Variants in PCDHA3 observed in about 807,000 individuals in gnomAD.
The protein encoded by PCDHA3 is protocadherin alpha-3.
In PCDHA3, 41 loss-of-function variants were observed where a neutral mutation model predicts 62.2. That is an observed-to-expected ratio of 0.66 (90% CI 0.51 to 0.86). The LOEUF is 0.86. Ranked by LOEUF, PCDHA3 falls within the 40% of genes least tolerant of loss-of-function variation. The pLI, the probability that PCDHA3 is intolerant of heterozygous loss-of-function variation, is 0.00. For missense variants in PCDHA3, 1,304 were observed against 1,241.2 expected (o/e 1.05, Z -0.76); for synonymous variants, 640 against 555.4 (o/e 1.15, Z -2.14).
Position 140,801,302 on chromosome 5 carries a change from C to G in PCDHA3, c.105C>G (p.Val35=), listed in dbSNP as rs905551581. The G allele has an allele frequency of 6.2e-7, 1 of 1,613,482 alleles. No homozygotes were observed. The highest frequency in any genetic ancestry group is 2.2e-5 in the East Asian group (1 of 44,892). ...GGAGCGGCCAGCTCCACTACTCCGTCTCTGAGGAGGCCAAGCATGGCACCT... is the reference window on the plus strand; with the variant it reads ...GGAGCGGCCAGCTCCACTACTCCGTGTCTGAGGAGGCCAAGCATGGCACCT... ...EVGSGQLHYS[V]SEEAKHGTFV... is the part of the protein sequence containing the mutation. Residue 35 remains valine (V), a synonymous_variant, in exon 1 of 4, where the codon GTC becomes GTG. Transcript: ENST00000522353.
At chr5:140,969,037 C>A (rs1554231375) in intron 1 of PCDHA3, 6 of 1,614,158 alleles carry the variant, frequency 3.7e-6, no homozygotes, top group Non-Finnish European at 5.1e-6. Flanking sequence ...CAGAACTGTA[C>A]AAACAAGCCA....
At position 141,011,492 on chromosome 5, in the gene PCDHA3, A is replaced by T. The variant is rs2098420803; in HGVS notation, c.*1555A>T. On this transcript the variant is annotated 3_prime_UTR_variant, in exon 4 of 4. Coordinates refer to ENST00000522353, the MANE Select transcript of PCDHA3 (RefSeq NM_018906.3). ...AATTCCATTATATTTCCTTTTGTAC[A>T]CCTGTGAAAAAGTGGAGTAGTGTTT... The T allele has an allele frequency of 1.3e-5, 2 of 153,698 alleles. No individual in the cohort carries two copies. The highest frequency in any genetic ancestry group is 2.9e-5 in the Non-Finnish European group (2 of 68,026). 9.5% of individuals were successfully genotyped at this position (153,698 alleles called of 1,614,324 possible).
chr5:140,820,913 T>C lies in PCDHA3; in HGVS notation c.2394+17322T>C, dbSNP rs2150108293. 2.0e-4 allele frequency among the ~76,000 whole-genome samples: 31 copies of C among 152,248 alleles called. No homozygotes were observed. The East Asian group carries it at 3.3e-3, about 16-fold the overall frequency. On this transcript the variant is annotated intron_variant, in intron 1 of 3. Transcript: ENST00000522353. Reference sequence around the variant, plus strand: ...ACGATTTACCAAAGTCGTTCTATTATGCTTTTGATTTCTAGAAAGCTGAAA... The same window carrying C: ...ACGATTTACCAAAGTCGTTCTATTACGCTTTTGATTTCTAGAAAGCTGAAA...
chr5:140,850,918 A>G (rs2150502117), intron 1 of PCDHA3: 3 of 1,529,350 alleles, frequency 2.0e-6, no homozygotes, highest in Non-Finnish European at 2.6e-6. Context: ...TTATTTATTT[A>G]TATAATTTTT....
rs1398153775 is a variant in PCDHA3, at chr5:140,869,752, G to T, written c.2394+66161G>T. On this transcript the variant is annotated intron_variant, in intron 1 of 3. Coordinates refer to ENST00000522353, the MANE Select transcript of PCDHA3 (RefSeq NM_018906.3). ...TAATTTGCTGCTAACAGCTACAGAC[G>T]GGGGAAAACCAGAGCTTACTGGCAC... 12 of 1,613,018 alleles carry T rather than the reference G, an allele frequency of 7.4e-6. No homozygotes were observed. The highest frequency in any genetic ancestry group is 1.0e-5 in the Non-Finnish European group (12 of 1,179,744).
rs2150341542 is a variant in PCDHA3, at chr5:140,842,668, C to A, written c.2394+39077C>A. 1.2e-5 allele frequency: 19 copies of A among 1,595,382 alleles called. 1 individual carries two copies. Among genetic ancestry groups the A allele is most frequent in the East Asian group, 2.2e-5 (1 of 44,804 alleles). ...TGTCTGTGGAGGTGGCCGACGTGAACGACAATGCTCCGGCGTTCGCGCAGC... is the reference window on the plus strand; with the variant it reads ...TGTCTGTGGAGGTGGCCGACGTGAAAGACAATGCTCCGGCGTTCGCGCAGC... On this transcript the variant is annotated intron_variant, in intron 1 of 3. Transcript: ENST00000522353.
At chr5:140,830,225 G>A in intron 1 of PCDHA3, 7 of 1,613,898 alleles carry the variant, frequency 4.3e-6, no homozygotes, top group Non-Finnish European at 5.1e-6. Context: ...CAGCCTGCTG[G>A]TCCTCACGCT....
chr5:140,990,022 G>A (rs891983888), intron 3 of PCDHA3, among the ~76,000 whole-genome samples: 1 of 152,156 alleles, frequency 6.6e-6, no homozygotes, highest in African/African-American at 2.4e-5. Flanking sequence ...GCTAGGCAAA[G>A]GATGGGAGAA....
chr5:140,831,511 GC>G (rs1191627812), intron 1 of PCDHA3, among the ~76,000 whole-genome samples: 5 of 130,898 alleles, frequency 3.8e-5, no homozygotes, highest in East Asian at 2.2e-4. Flanking sequence ...GCACCACCAT[GC>G]CCCCCACCTT....
chr5:140,924,902 AAAATAAAAT>A (rs1211271652), intron 1 of PCDHA3, among the ~76,000 whole-genome samples: 3 of 39,024 alleles, frequency 7.7e-5, no homozygotes, highest in African/African-American at 2.3e-4. Context: ...CTCAAAAAAA[AAAATAAAAT>A]AAAATAAAAT....
At chr5:140,809,393 A>G (rs1764450776) in intron 1 of PCDHA3, 1 of 1,613,980 alleles carries the variant, frequency 6.2e-7, no homozygotes, top group Non-Finnish European at 8.5e-7. Flanking sequence ...CGCTCCGGGC[A>G]AGCCCACGCT....
At chr5:140,813,533 C>T (rs1173530205) in intron 1 of PCDHA3, 1 of 152,118 alleles carries the variant, frequency 6.6e-6, no homozygotes, top group African/African-American at 2.4e-5. Flanking sequence ...TAAAATGGTA[C>T]ACCTGAATAG....
intron 1 of PCDHA3, chr5:140,870,717 T>C (rs782672690): frequency 4.3e-6 from 7 of 1,613,062 alleles, no homozygotes; most frequent in South Asian, 2.2e-5. Context: ...GCGCGCGCGA[T>C]GCGGGCGTGC....
chr5:140,807,639 G>T (rs1360812183), intron 1 of PCDHA3: 5 of 1,614,070 alleles, frequency 3.1e-6, no homozygotes, highest in Non-Finnish European at 4.2e-6. Flanking sequence ...CTTGACTCTC[G>T]GTTTCCACTA....
chr5:140,900,062 A>C (rs1221394657), intron 1 of PCDHA3, among the ~76,000 whole-genome samples: 1 of 152,138 alleles, frequency 6.6e-6, no homozygotes, highest in Non-Finnish European at 1.5e-5. Flanking sequence ...CTTTAACCTC[A>C]GCCTCCAAAA....
At chr5:140,958,199 A>G (rs2095413345) in intron 1 of PCDHA3, among the ~76,000 whole-genome samples, 1 of 152,140 alleles carries the variant, frequency 6.6e-6, no homozygotes, top group Non-Finnish European at 1.5e-5. Context: ...GGTCTAGTAT[A>G]CAAGGGAATT....
chr5:140,850,643 G>A, intron 1 of PCDHA3: 1 of 1,598,690 alleles, frequency 6.3e-7, no homozygotes, highest in African/African-American at 1.3e-5. Context: ...TCACGCTGCT[G>A]CTGTACACTG....
In PCDHA3 at chr5:140,812,400, C is replaced by A. The variant is rs190903365; in HGVS notation, c.2394+8809C>A. 7 of 151,904 alleles carry A rather than the reference C, an allele frequency of 4.6e-5. No homozygotes were observed. The East Asian group carries it at 1.4e-3, about 29-fold the overall frequency. 9.4% of individuals were successfully genotyped at this position (151,904 alleles called of 1,614,324 possible). On this transcript the variant is annotated intron_variant, in intron 1 of 3. Transcript: ENST00000522353. ...TTTTTTTCTTAGTCTAGCTAAGGGG[C>A]TTGTCAGTTTTGTTGTTTTTTCAAA...
At chr5:141,004,677 A>T (rs971713487) in intron 3 of PCDHA3, among the ~76,000 whole-genome samples, 4 of 152,194 alleles carry the variant, frequency 2.6e-5, no homozygotes, top group African/African-American at 7.2e-5. Context: ...AGGACTGTGG[A>T]GTGGTGCTGA....
Sources: gnomAD v4.1 joint callset for allele counts (sites outside exome capture counted in the v4.1 genomes callset) on GRCh38, gnomAD v4.1.1 for gene constraint, MANE v1.5 for transcripts, NCBI Gene and HGNC (gene_info 2026-07-23, HGNC 2026-07-21) for gene names.